The following BOP1 variants were observed in gnomAD, a reference collection of about 807,000 sequenced individuals.
The protein encoded by BOP1 is BOP1 ribosomal biogenesis factor, also known as ribosome biogenesis protein BOP1.
A neutral mutation model predicts 82.9 loss-of-function variants in BOP1; 54 were observed. That is an observed-to-expected ratio of 0.65 (90% CI 0.52 to 0.82). The LOEUF is 0.82. Ranked by LOEUF, BOP1 falls within the 40% of genes least tolerant of loss-of-function variation. The probability of loss-of-function intolerance (pLI) is 0.00; values close to 1 mark genes in which losing one functional copy is unlikely to be tolerated. For synonymous variants in BOP1, 566 were observed against 451.1 expected (o/e 1.25, Z -3.23); for missense variants, 1,170 against 1,072.0 (o/e 1.09, Z -1.28).
At position 144,291,185 on chromosome 8, in the gene BOP1, G is replaced by A. The variant is rs1011413076; in HGVS notation, c.99+87C>T. On this transcript the variant is annotated intron_variant, in intron 1 of 15. Coordinates refer to ENST00000569669, the MANE Select transcript of BOP1 (RefSeq NM_015201.5). This position sits in a 1 kb window ranked among gnomAD's most constrained non-coding sequence, Gnocchi z 4.1. ...ACTGGGCGCGGGCGCCCAGGTGACA[G>A]AAGCCGGGCCCACCCGCCCCAGCGC... 170 of 1,212,258 alleles carry A rather than the reference G, an allele frequency of 1.4e-4. No homozygotes were observed. The highest frequency in any genetic ancestry group is 5.4e-5 in the Non-Finnish European group (51 of 951,128). 75.1% of individuals were successfully genotyped at this position (1,212,258 alleles called of 1,614,324 possible).
chr8:144,263,593 G>A lies in BOP1; in HGVS notation c.1309C>T (p.Leu437=), dbSNP rs1257989870. 53 of 1,605,950 alleles carry A rather than the reference G, an allele frequency of 3.3e-5. 1 individual carries two copies. The East Asian group carries it at 8.5e-4, about 26-fold the overall frequency. Residue 437 remains leucine, a synonymous_variant, in exon 11 of 16, where the codon CTG becomes TTG. Transcript: ENST00000569669. ...GCAGTGGCCACCTCCCAGAGCCGCA[G>A]GGAGCCGTCGTCAGAGCCTGGATGC... The part of the protein sequence containing the change: ...WLVSGSDDGS[L]RLWEVATARC...
intron 2 of BOP1, among the ~76,000 whole-genome samples, chr8:144,285,192 G>A (rs560722962): frequency 7.9e-5 from 12 of 152,332 alleles, no homozygotes; most frequent in Admixed American, 3.3e-4. Context: ...CATCGGGGCC[G>A]GGTATACCCA....
chr8:144,276,124 C>G lies in BOP1; in HGVS notation c.390+100G>C, dbSNP rs1845564533. On this transcript the variant is annotated intron_variant, in intron 3 of 15. Transcript: ENST00000569669. Reference sequence around the variant, plus strand: ...CAGTGCGGCCCACCTGCGGCAGGTCCCAGCACCCCCAGGGCAACCCCAGCC... The same window carrying G: ...CAGTGCGGCCCACCTGCGGCAGGTCGCAGCACCCCCAGGGCAACCCCAGCC... 4.9e-6 allele frequency: 7 copies of G among 1,417,782 alleles called. No individual in the cohort carries two copies. In the Admixed American group the frequency reaches 1.2e-4, roughly 24 times the overall value. 87.8% of individuals were successfully genotyped at this position (1,417,782 alleles called of 1,614,324 possible).
At chr8:144,269,610 C>T (rs1287226597) in intron 3 of BOP1, among the ~76,000 whole-genome samples, 1 of 152,358 alleles carries the variant, frequency 6.6e-6, no homozygotes, top group African/African-American at 2.4e-5. Flanking sequence ...AAAGTCACAA[C>T]GGCAGGTTTC....
rs1221188898 is a variant in BOP1, at chr8:144,263,133, C to T, written c.1614G>A (p.Thr538=). ...CCCCACGCCCGTGCCAGGTCACCTG[C>T]GTCACTGGCTGCAGGAGAGCAAGGC... ...RLRICHGKPV[T]QVTWHGRGDY... Residue 538 remains threonine, a synonymous_variant, in exon 13 of 16, where the codon ACG becomes ACA. Coordinates refer to ENST00000569669, the MANE Select transcript of BOP1 (RefSeq NM_015201.5). 2.0e-5 allele frequency: 32 copies of T among 1,593,658 alleles called. No individual in the cohort carries two copies. Among genetic ancestry groups the T allele is most frequent in the Middle Eastern group, 2.2e-4 (1 of 4,506 alleles).
chr8:144,267,041 G>GC (rs1295179505), intron 3 of BOP1: 1 of 1,509,234 alleles, frequency 6.6e-7, no homozygotes, highest in African/African-American at 1.4e-5. Context: ...GGACAGCCCT[G>GC]CCACTCCGGG....
At position 144,264,028 on chromosome 8, in the gene BOP1, C is replaced by T. The variant is rs1013054084; in HGVS notation, c.1093G>A (p.Glu365Lys). 7.6e-5 allele frequency: 123 copies of T among 1,609,140 alleles called. No individual in the cohort carries two copies. Among genetic ancestry groups the T allele is most frequent in the African/African-American group, 9.3e-5 (7 of 75,028 alleles). Residue 365 changes from glutamate (E) to lysine (K), a missense_variant, in exon 8 of 16, where the codon GAG (glutamate) becomes AAG (lysine). Physicochemically the swap from Glu to Lys is moderately conservative, Grantham distance 56. Coordinates refer to ENST00000569669, the MANE Select transcript of BOP1 (RefSeq NM_015201.5). ...AYGRFIQERF[E>K]RCLDLYLCPR... The stretch of plus-strand genomic sequence containing the variant: ...CACAGGTACAGGTCAAGGCAGCGCT[C>T]GAAGCGTTCCTGGATGAAGCGTCCG...
intron 3 of BOP1, among the ~76,000 whole-genome samples, chr8:144,270,939 C>T (rs1428644685): frequency 1.3e-5 from 2 of 152,168 alleles, no homozygotes; most frequent in African/African-American, 2.4e-5. Context: ...CTCCTGTCCC[C>T]GGCCTGGGGA....
intron 2 of BOP1, among the ~76,000 whole-genome samples, chr8:144,280,502 G>A (rs782683446): frequency 6.6e-6 from 1 of 152,234 alleles, no homozygotes; most frequent in Non-Finnish European, 1.5e-5. Flanking sequence ...AGACGCTGGC[G>A]GGATCCCCTG....
intron 3 of BOP1, chr8:144,268,039 G>A (rs1178838649): frequency 1.6e-5 from 25 of 1,548,572 alleles, no homozygotes; most frequent in East Asian, 9.8e-5. Flanking sequence ...CAGCAGGGAG[G>A]CCAGAGAGGC....
In BOP1 at chr8:144,265,252, G is replaced by A. The variant is rs901830521; in HGVS notation, c.391-181C>T. 1.1e-5 allele frequency: 8 copies of A among 708,228 alleles called. No individual in the cohort carries two copies. The African/African-American group carries it at 1.4e-4, about 13-fold the overall frequency. 43.9% of individuals were successfully genotyped at this position (708,228 alleles called of 1,614,324 possible). A position where few individuals can be genotyped will look rare whatever the true frequency, so the allele number is the denominator to read the frequency against. On this transcript the variant is annotated intron_variant, in intron 3 of 15. Coordinates refer to ENST00000569669, the MANE Select transcript of BOP1 (RefSeq NM_015201.5). ...CCCTGGGGTCTGACGTGGCATGGCG[G>A]CCACGCTGCCCCCACCCCCGCCCTC... is the stretch of plus-strand genomic sequence containing the variant.
chr8:144,262,768 G>T, intron 13 of BOP1, 85 bp downstream of exon 13: 1 of 1,331,732 alleles, frequency 7.5e-7, no homozygotes, highest in Non-Finnish European at 1.0e-6. Flanking sequence ...AGGGTGCACT[G>T]CCCCTACCCC....
intron 2 of BOP1, among the ~76,000 whole-genome samples, chr8:144,277,063 C>A (rs35400694): frequency 6.6e-6 from 1 of 152,168 alleles, no homozygotes; most frequent in Admixed American, 6.5e-5. Flanking sequence ...GGTTTACTGG[C>A]GGAACCAAGG....
chr8:144,263,414 C>T lies in BOP1; in HGVS notation c.1425-13G>A. The T allele has an allele frequency of 6.3e-7, 1 of 1,597,802 alleles. No homozygotes were observed. Among genetic ancestry groups the T allele is most frequent in the Non-Finnish European group, 8.5e-7 (1 of 1,179,650 alleles). Reference sequence around the variant, plus strand: ...CACCGAGTCCTCCCTGTGAGCCAGGCCCAGACACGGCCCCTAAGCACAGTG... The same window carrying T: ...CACCGAGTCCTCCCTGTGAGCCAGGTCCAGACACGGCCCCTAAGCACAGTG... On this transcript the variant is annotated splice_polypyrimidine_tract_variant and intron_variant, in intron 11 of 15. Transcript: ENST00000569669.
At chr8:144,264,177 A>G in intron 7 of BOP1, 35 bp from the exon 8 acceptor site, 1 of 1,609,750 alleles carries the variant, frequency 6.2e-7, no homozygotes, top group Non-Finnish European at 8.5e-7. Flanking sequence ...GGGGAGGGTC[A>G]CAGGGAAGCA....
At chr8:144,270,210 C>G (rs1181991439) in intron 3 of BOP1, among the ~76,000 whole-genome samples, 1 of 152,130 alleles carries the variant, frequency 6.6e-6, no homozygotes, top group Non-Finnish European at 1.5e-5. Flanking sequence ...AGAGCCAGCT[C>G]AGAGCGGGAA....
At chr8:144,279,868 A>G (rs1257457993) in intron 2 of BOP1, among the ~76,000 whole-genome samples, 1 of 152,108 alleles carries the variant, frequency 6.6e-6, no homozygotes, top group Non-Finnish European at 1.5e-5. Context: ...CTTCGTGAAC[A>G]TGGCTGTCAG....
chr8:144,267,405 G>GAGCT (rs1198860912), intron 3 of BOP1, among the ~76,000 whole-genome samples: 1 of 152,164 alleles, frequency 6.6e-6, no homozygotes, highest in Non-Finnish European at 1.5e-5. Flanking sequence ...CCCCTGCAGG[G>GAGCT]AGCTGCATGA....
chr8:144,276,454 A>C, intron 2 of BOP1, 150 bp from the exon 3 acceptor site: 1 of 927,072 alleles, frequency 1.1e-6, no homozygotes, highest in Non-Finnish European at 1.7e-6. Context: ...CCCAGCTCTA[A>C]GGGGGCCTCT....
Sources: gnomAD v4.1 joint callset for allele counts (sites outside exome capture counted in the v4.1 genomes callset) on GRCh38, gnomAD v4.1.1 for gene constraint, Gnocchi (gnomAD v3.1) non-coding constraint, MANE v1.5 for transcripts, NCBI Gene and HGNC (gene_info 2026-07-23, HGNC 2026-07-21) for gene names.